Variants in ARRB1 observed in about 807,000 individuals in gnomAD.
ARRB1 encodes the protein arrestin beta 1.
In ARRB1, 21 loss-of-function variants were observed where a neutral mutation model predicts 56.8. The ratio of observed to expected loss-of-function variants is 0.37; its 90% CI spans 0.26 to 0.53. The LOEUF (loss-of-function observed/expected upper bound fraction) is 0.53, where lower values mean the gene tolerates loss of function less well. Ranked by LOEUF, ARRB1 falls within the 20% of genes least tolerant of loss-of-function variation. The probability of loss-of-function intolerance (pLI) is 0.88; values close to 1 mark genes in which losing one functional copy is unlikely to be tolerated. For missense variants in ARRB1, 424 were observed against 553.7 expected, an observed-to-expected ratio of 0.77 and a Z score of 2.35; for synonymous variants, 210 against 218.6, an observed-to-expected ratio of 0.96 and a Z score of 0.35.
intron 10 of ARRB1, among the ~76,000 whole-genome samples, chr11:75,276,348 A>G (rs1946201201): frequency 6.6e-6 from 1 of 152,202 alleles, no homozygotes; most frequent in African/African-American, 2.4e-5. Context: ...GCTCAACCAT[A>G]GCAGTTCTCC....
At chr11:75,331,606 C>T (rs755417291) in intron 1 of ARRB1, among the ~76,000 whole-genome samples, 3 of 151,946 alleles carry the variant, frequency 2.0e-5, no homozygotes, top group African/African-American at 4.8e-5. Flanking sequence ...CACCCCTGCC[C>T]GCCAGAGAAC....
intron 10 of ARRB1, 32 bp downstream of exon 10, chr11:75,276,807 A>G: frequency 6.2e-7 from 1 of 1,610,964 alleles, no homozygotes; most frequent in Non-Finnish European, 8.5e-7. Flanking sequence ...ACCCAATCCC[A>G]TACGCCCAAG....
At chr11:75,269,006 CTG>C (rs768886085) in intron 13 of ARRB1, 47 bp from the exon 14 acceptor site, 56 of 1,576,422 alleles carry the variant, frequency 3.6e-5, no homozygotes, top group Non-Finnish European at 4.7e-5. Context: ...GACTCACAGG[CTG>C]TGAGACTTGA....
intron 1 of ARRB1, among the ~76,000 whole-genome samples, chr11:75,326,991 G>A (rs1947445675): frequency 1.4e-5 from 2 of 147,434 alleles, no homozygotes; most frequent in South Asian, 2.4e-4. Flanking sequence ...ACAGGCATGA[G>A]CCACCATGCC....
intron 1 of ARRB1, among the ~76,000 whole-genome samples, chr11:75,302,906 T>C (rs1946938782): frequency 6.6e-6 from 1 of 152,166 alleles, no homozygotes; most frequent in African/African-American, 2.4e-5. Context: ...ATGTTACTCC[T>C]GCTGGGACAG....
intron 1 of ARRB1, among the ~76,000 whole-genome samples, chr11:75,318,564 C>A (rs1947299561): frequency 6.6e-6 from 1 of 152,140 alleles, no homozygotes; most frequent in Non-Finnish European, 1.5e-5. Context: ...GTGGCATGCA[C>A]CTTTAATCCC....
chr11:75,320,719 C>G (rs974394347), intron 1 of ARRB1, among the ~76,000 whole-genome samples: 2 of 152,204 alleles, frequency 1.3e-5, no homozygotes, highest in Admixed American at 1.3e-4. Flanking sequence ...CAGCACCGCA[C>G]AAACTCAAAA....
At chr11:75,343,803 G>A (rs1947725883) in intron 1 of ARRB1, among the ~76,000 whole-genome samples, 1 of 151,908 alleles carries the variant, frequency 6.6e-6, no homozygotes, top group South Asian at 2.1e-4. Context: ...AAGTGTTCCT[G>A]ACCTGAGTAT....
chr11:75,307,256 G>C (rs1011677049), intron 1 of ARRB1, among the ~76,000 whole-genome samples: 3 of 152,184 alleles, frequency 2.0e-5, no homozygotes, highest in African/African-American at 7.2e-5. Flanking sequence ...CAAAGTGAAG[G>C]GGTCAAAGGT....
intron 1 of ARRB1, among the ~76,000 whole-genome samples, chr11:75,297,461 G>T (rs1164718117): frequency 6.6e-6 from 1 of 152,050 alleles, no homozygotes; most frequent in African/African-American, 2.4e-5. Flanking sequence ...AGGAGCCAAG[G>T]CAAGTCAATG....
At chr11:75,269,301 C>T (rs569502793) in intron 13 of ARRB1, 5 of 446,530 alleles carry the variant, frequency 1.1e-5, no homozygotes, top group East Asian at 1.1e-4. Context: ...CCCTGGGACC[C>T]CCCCCCACCT....
At chr11:75,280,553 G>A (rs142554633) in intron 7 of ARRB1, among the ~76,000 whole-genome samples, 2 of 152,302 alleles carry the variant, frequency 1.3e-5, no homozygotes, top group African/African-American at 4.8e-5. Flanking sequence ...TGCCCGGGCT[G>A]TTCTTCTCCA....
At chr11:75,324,736 G>A (rs1465601687) in intron 1 of ARRB1, among the ~76,000 whole-genome samples, 1 of 152,156 alleles carries the variant, frequency 6.6e-6, no homozygotes, top group East Asian at 1.9e-4. Context: ...TTTCTGCTGC[G>A]ACTTTGCCTG....
chr11:75,317,622 C>T (rs1484766668), intron 1 of ARRB1, among the ~76,000 whole-genome samples: 1 of 152,218 alleles, frequency 6.6e-6, no homozygotes, highest in Non-Finnish European at 1.5e-5. Flanking sequence ...AGACCATAAG[C>T]CCCATTAAGC....
chr11:75,291,214 G>A (rs577606720), intron 1 of ARRB1, among the ~76,000 whole-genome samples: 224 of 152,258 alleles, frequency 1.5e-3, no homozygotes, highest in Non-Finnish European at 2.4e-3. Context: ...GTGGGTGCTT[G>A]TAATCCCAGC....
chr11:75,275,711 T>C (rs1946187192), intron 10 of ARRB1, among the ~76,000 whole-genome samples: 1 of 152,328 alleles, frequency 6.6e-6, no homozygotes, highest in African/African-American at 2.4e-5. Flanking sequence ...GCTTTGCTGC[T>C]TGCTAACTTG....
At chr11:75,351,078 G>A (rs748584880) in intron 1 of ARRB1, among the ~76,000 whole-genome samples, 1 of 152,194 alleles carries the variant, frequency 6.6e-6, no homozygotes, top group Non-Finnish European at 1.5e-5. Flanking sequence ...GCGTATCAGT[G>A]TATGCCCACA....
chr11:75,288,278 A>G (rs1789685), intron 2 of ARRB1, among the ~76,000 whole-genome samples: 131,626 of 152,274 alleles, frequency 0.86, 57,031 homozygotes, highest in Non-Finnish European at 0.89. Context: ...CAAATGCACC[A>G]CCTCACACAG....
At chr11:75,343,319 T>C (rs1309229749) in intron 1 of ARRB1, among the ~76,000 whole-genome samples, 1 of 152,086 alleles carries the variant, frequency 6.6e-6, no homozygotes, top group Non-Finnish European at 1.5e-5. Flanking sequence ...GGGACAGCTG[T>C]TGTATGTGGT....
Sources: gnomAD v4.1 joint callset for allele counts (sites outside exome capture counted in the v4.1 genomes callset) on GRCh38, gnomAD v4.1.1 for gene constraint, MANE v1.5 for transcripts, NCBI Gene and HGNC (gene_info 2026-07-23, HGNC 2026-07-21) for gene names.